The following ZNF132 variants were observed in gnomAD, a reference collection of about 807,000 sequenced individuals.
The protein encoded by ZNF132 is zinc finger protein 132.
ZNF132 carries 6 observed loss-of-function variants against 9.3 expected under a neutral mutation model. The ratio of observed to expected loss-of-function variants is 0.65; its 90% confidence interval spans 0.35 to 1.28. ZNF132 has a LOEUF of 1.28. Among genes scored for constraint, ZNF132 ranks in the 50% most tolerant of loss-of-function variants. The pLI is 0.03. For missense variants in ZNF132, 877 were observed against 843.2 expected, an observed-to-expected ratio of 1.04 and a Z score of -0.50; for synonymous variants, 296 against 292.0, an observed-to-expected ratio of 1.01 and a Z score of -0.14.
At chr19:58,437,672 C>T (rs961894658) in intron 1 of ZNF132, 3 of 975,536 alleles carry the variant, frequency 3.1e-6, no homozygotes, top group African/African-American at 1.8e-5. Flanking sequence ...TCCAACCCCT[C>T]CCTGTTCACA....
At chr19:58,436,269 T>C (rs904749233) in intron 2 of ZNF132, 1 of 154,206 alleles carries the variant, frequency 6.5e-6, no homozygotes. Context: ...TAAAATTACA[T>C]TATAGCAATG....
chr19:58,436,667 CAAA>C (rs56078209), intron 2 of ZNF132, among the ~76,000 whole-genome samples: 7 of 65,552 alleles, frequency 1.1e-4, no homozygotes, highest in Non-Finnish European at 1.7e-4. Flanking sequence ...GACTCCATCT[CAAA>C]AAAAAAAAAA....
chr19:58,435,188 C>T lies in ZNF132; in HGVS notation c.256G>A (p.Glu86Lys), dbSNP rs146894396. The stretch of plus-strand genomic sequence containing the variant: ...ACATTCTGCTTGGGATGGGCCCCCT[C>T]ACCCTCTACTCCATGCCAAGAACCT... ...SLGSWHGVEG[E>K]GAHPKQNVSV... Residue 86 changes from glutamate to lysine, a missense_variant, in exon 3 of 3, where the codon GAG becomes AAG. Physicochemically the swap from Glu to Lys is moderately conservative, Grantham distance 56. Coordinates refer to ENST00000254166, the MANE Select transcript of ZNF132 (RefSeq NM_003433.4). 49 of 1,613,560 alleles carry T rather than the reference C, an allele frequency of 3.0e-5. No individual in the cohort carries two copies. The African/African-American group carries it at 5.9e-4, about 19-fold the overall frequency.
intron 2 of ZNF132, among the ~76,000 whole-genome samples, chr19:58,436,582 G>A (rs963301012): frequency 1.3e-5 from 2 of 150,746 alleles, no homozygotes; most frequent in African/African-American, 2.4e-5. Context: ...GCAGGAGAAT[G>A]GCGTGAACCT....
chr19:58,434,775 A>T lies in ZNF132; in HGVS notation c.669T>A (p.Leu223=). 6.2e-7 allele frequency: 1 copy of T among 1,614,218 alleles called. No homozygotes were observed. The highest frequency in any genetic ancestry group is 8.5e-7 in the Non-Finnish European group (1 of 1,180,034). ...TGGTACAGACTTCTGGAAGCTGCCC[A>T]AGATTGGAATATGGCTTCTGCCCAC... is the stretch of plus-strand genomic sequence containing the variant. ...VDSGQKPYSN[L]GQLPEVCTTQ... is the part of the protein sequence containing the mutation. The change falls in exon 3 of 3, where the codon CTT becomes CTA. Residue 223 remains leucine (L), a synonymous_variant. Coordinates refer to ENST00000254166, the MANE Select transcript of ZNF132 (RefSeq NM_003433.4).
At position 58,433,599 on chromosome 19, in the gene ZNF132, A is replaced by C. The variant is rs749744214; in HGVS notation, c.1845T>G (p.Ile615Met). The change falls in exon 3 of 3, where the codon ATT (isoleucine) becomes ATG (methionine). Residue 615 changes from isoleucine to methionine, a missense_variant. Ile to Met is a conservative substitution (Grantham distance 10). Coordinates refer to ENST00000254166, the MANE Select transcript of ZNF132 (RefSeq NM_003433.4). The stretch of plus-strand genomic sequence containing the variant: ...CTCCAGTGTGAACTCTCCAGTGACA[A>C]ATAAGGCTGGATTTTCGGCTAAAGA... ...GKFFSRKSSL[I>M]CHWRVHTGER... 1 of 1,614,200 alleles carries C rather than the reference A, an allele frequency of 6.2e-7. No homozygotes were observed. Among genetic ancestry groups the C allele is most frequent in the South Asian group, 1.1e-5 (1 of 91,082 alleles).
In ZNF132 at chr19:58,434,042, A is replaced by C. The variant is rs991497923; in HGVS notation, c.1402T>G (p.Phe468Val). 6.2e-7 allele frequency: 1 copy of C among 1,614,154 alleles called. No individual in the cohort carries two copies. The highest frequency in any genetic ancestry group is 8.5e-7 in the Non-Finnish European group (1 of 1,180,012). Residue 468 changes from phenylalanine to valine, a missense_variant, in exon 3 of 3, where the codon TTC becomes GTC. Phe to Val is a conservative substitution (Grantham distance 50). Transcript: ENST00000254166. ...PFECSECGRD[F>V]SQSSHLLRHQ... ...CGAAGGAGATGGGAGCTTTGGCTGA[A>C]GTCTCTTCCACATTCACTGCACTCA...
Position 58,434,244 on chromosome 19 carries a change from T to TA in ZNF132, c.1199dup (p.Arg401LysfsTer4). On this transcript the variant is annotated frameshift_variant, in exon 3 of 3. Coordinates refer to ENST00000254166, the MANE Select transcript of ZNF132 (RefSeq NM_003433.4). LOFTEE classifies it low-confidence loss of function (END_TRUNC). The stretch of plus-strand genomic sequence containing the variant: ...CACATTGACTGCACTCATAAGGTCT[T>TA]ACCTGTGTGTGAACTTTCTGATGCC... 2 of 1,614,208 alleles carry TA rather than the reference T, an allele frequency of 1.2e-6. No homozygotes were observed. The highest frequency in any genetic ancestry group is 1.3e-5 in the African/African-American group (1 of 75,062).
At chr19:58,437,343 C>T in intron 1 of ZNF132, 128 bp from the exon 2 acceptor site, 3 of 1,080,794 alleles carry the variant, frequency 2.8e-6, no homozygotes, top group Non-Finnish European at 3.9e-6. Context: ...CACTACTCAC[C>T]CATCCACAGC....
In ZNF132 at chr19:58,434,161, T is replaced by A; in HGVS notation, c.1283A>T (p.Glu428Val). The change falls in exon 3 of 3, where the codon GAA becomes GTA. Residue 428 changes from glutamate (E) to valine (V), a missense_variant. Coordinates refer to ENST00000254166, the MANE Select transcript of ZNF132 (RefSeq NM_003433.4). ...LIQHWRVHTG[E>V]RPYECSECGR... ...ACATTCACTGCATTCATACGGTCTT[T>A]CTCCAGTGTGAACTCTCCAGTGCTG... is the stretch of plus-strand genomic sequence containing the variant. The A allele has an allele frequency of 6.2e-7, 1 of 1,614,170 alleles. No individual in the cohort carries two copies.
At position 58,433,900 on chromosome 19, in the gene ZNF132, T is replaced by C; in HGVS notation, c.1544A>G (p.Tyr515Cys). The C allele has an allele frequency of 6.2e-7, 1 of 1,614,192 alleles. No homozygotes were observed. The highest frequency in any genetic ancestry group is 1.3e-5 in the African/African-American group (1 of 75,042). Residue 515 changes from tyrosine to cysteine, a missense_variant, in exon 3 of 3, where the codon TAT (tyrosine) becomes TGT (cysteine). By Grantham distance (194) the Tyr-to-Cys change is radical (BLOSUM62 -2). Coordinates refer to ENST00000254166, the MANE Select transcript of ZNF132 (RefSeq NM_003433.4). ...HQKVHTGQRPYECSECRKSFS... is the reference protein window; with the variant it reads ...HQKVHTGQRPCECSECRKSFS... ...GGATTTCCTACATTCGCTGCACTCATAAGGCCTTTGCCCAGTATGTACTTT... is the reference window on the plus strand; with the variant it reads ...GGATTTCCTACATTCGCTGCACTCACAAGGCCTTTGCCCAGTATGTACTTT...
In ZNF132 at chr19:58,433,364, G is replaced by T; in HGVS notation, c.2080C>A (p.His694Asn). The part of the protein sequence containing the change: ...ECSQCGKLFS[H>N]LCNLAQHKKI... The stretch of plus-strand genomic sequence containing the variant: ...TTATGCTGTGCAAGGTTACAAAGAT[G>T]GCTGAAGAGTTTCCCACACTGGCTA... Residue 694 changes from histidine (H) to asparagine (N), a missense_variant, in exon 3 of 3, where the codon CAT becomes AAT. His to Asn is a moderately conservative substitution (Grantham distance 68). Transcript: ENST00000254166. 1.2e-6 allele frequency: 2 copies of T among 1,614,190 alleles called. No homozygotes were observed. The highest frequency in any genetic ancestry group is 1.7e-6 in the Non-Finnish European group (2 of 1,180,034).
chr19:58,435,478 T>TA (rs1383752062), intron 2 of ZNF132: 1 of 374,060 alleles, frequency 2.7e-6, no homozygotes, highest in East Asian at 4.6e-5. Flanking sequence ...TAAAAGAAGA[T>TA]ATATACACAA....
In ZNF132 at chr19:58,434,348, C is replaced by T. The variant is rs775777115; in HGVS notation, c.1096G>A (p.Glu366Lys). 5 of 1,614,216 alleles carry T rather than the reference C, an allele frequency of 3.1e-6. No individual in the cohort carries two copies. The highest frequency in any genetic ancestry group is 2.2e-5 in the South Asian group (2 of 91,078). Residue 366 changes from glutamate to lysine, a missense_variant, in exon 3 of 3, where the codon GAG becomes AAG. Coordinates refer to ENST00000254166, the MANE Select transcript of ZNF132 (RefSeq NM_003433.4). ...GGCCTTTCTCCAGTGTGAACTTTCT[C>T]ATGCCGAATGAGGTGTGATCTGTTA... is the stretch of plus-strand genomic sequence containing the variant. ...FSNRSHLIRH[E>K]KVHTGERPFE... is the part of the protein sequence containing the mutation.
Position 58,433,193 on chromosome 19 carries a change from A to G in ZNF132, c.*130T>C. 1.0e-6 allele frequency: 1 copy of G among 974,660 alleles called. No individual in the cohort carries two copies. Among genetic ancestry groups the G allele is most frequent in the East Asian group, 2.5e-5 (1 of 39,644 alleles). The allele number at this position is 974,660 out of a possible 1,614,324, so 60.4% of individuals were successfully genotyped here. On this transcript the variant is annotated 3_prime_UTR_variant, in exon 3 of 3. Coordinates refer to ENST00000254166, the MANE Select transcript of ZNF132 (RefSeq NM_003433.4). ...AAAGGTTCCTGGGCTGGTCAGAAAC[A>G]GAGTAGCTTCTGAAGGCTTTTCCAC...
rs1290504199 is a variant in ZNF132 at position 58,435,351 on chromosome 19, TGAA to T, written c.233-143_233-141del. On this transcript the variant is annotated intron_variant, in intron 2 of 2. Transcript: ENST00000254166. Reference sequence around the variant, plus strand: ...CAGGCCAACAGGGCCATCATCAGGGTGAAGAAGGGCCCATTACTATTGGCAGGA... The same window carrying T: ...CAGGCCAACAGGGCCATCATCAGGGTGAAGGGCCCATTACTATTGGCAGGA... 4 of 934,854 alleles carry T rather than the reference TGAA, an allele frequency of 4.3e-6. No homozygotes were observed. In the Admixed American group the frequency reaches 1.1e-4, roughly 27 times the overall value. The allele number at this position is 934,854 out of a possible 1,614,324, so 57.9% of individuals were successfully genotyped here.
rs149025551 is a variant in ZNF132, at chr19:58,433,408, C to G, written c.2036G>C (p.Arg679Thr). 9 of 1,614,194 alleles carry G rather than the reference C, an allele frequency of 5.6e-6. No individual in the cohort carries two copies. Among genetic ancestry groups the G allele is most frequent in the African/African-American group, 5.3e-5 (4 of 75,040 alleles). Residue 679 changes from arginine (R) to threonine (T), a missense_variant, in exon 3 of 3, where the codon AGA becomes ACA. By Grantham distance (71) the Arg-to-Thr change is moderately conservative. Coordinates refer to ENST00000254166, the MANE Select transcript of ZNF132 (RefSeq NM_003433.4). ...TLVRHQKVHT[R>T]ERTYECSQCG... ...CTGGCTACACTCATAAGTCCTTTCT[C>G]TGGTGTGAACTTTCTGGTGCCGAAC...
chr19:58,435,054 A>G lies in ZNF132; in HGVS notation c.390T>C (p.Ala130=), dbSNP rs1055003717. ...GPFLKDILHL[A]EHQGTQSEEK... ...CCTCAGACTGTGTTCCCTGATGCTCAGCCAGGTGCAAAATGTCTTTCAAGA... is the reference window on the plus strand; with the variant it reads ...CCTCAGACTGTGTTCCCTGATGCTCGGCCAGGTGCAAAATGTCTTTCAAGA... Residue 130 remains alanine, a synonymous_variant, in exon 3 of 3, where the codon GCT becomes GCC. Transcript: ENST00000254166. 1.9e-6 allele frequency: 3 copies of G among 1,614,178 alleles called. No individual in the cohort carries two copies. The highest frequency in any genetic ancestry group is 2.5e-6 in the Non-Finnish European group (3 of 1,180,030).
rs764059182 is a variant in ZNF132 at position 58,434,733 on chromosome 19, C to G, written c.711G>C (p.Glu237Asp). The change falls in exon 3 of 3, where the codon GAG (glutamate) becomes GAC (aspartate). Residue 237 changes from glutamate to aspartate, a missense_variant. Coordinates refer to ENST00000254166, the MANE Select transcript of ZNF132 (RefSeq NM_003433.4). ...GGAAGGCTTTTCCACAGTTGCTGCA[C>G]TCGAAGAGTTTCTGTGTGGTACAGA... ...PEVCTTQKLF[E>D]CSNCGKAFLK... 1.2e-6 allele frequency: 2 copies of G among 1,614,198 alleles called. No individual in the cohort carries two copies. The highest frequency in any genetic ancestry group is 1.1e-5 in the South Asian group (1 of 91,086).
Sources: gnomAD v4.1 joint callset for allele counts (sites outside exome capture counted in the v4.1 genomes callset) on GRCh38, gnomAD v4.1.1 for gene constraint, MANE v1.5 for transcripts, NCBI Gene and HGNC (gene_info 2026-07-23, HGNC 2026-07-21) for gene names.